Variants in RGL1 observed in about 807,000 individuals in gnomAD.
RGL1 encodes the protein ral guanine nucleotide dissociation stimulator like 1, also known as ral guanine nucleotide dissociation stimulator-like 1.
RGL1 carries 24 observed loss-of-function variants against 95.2 expected under a neutral mutation model. That is an observed-to-expected ratio of 0.25 (90% CI 0.18 to 0.35). The LOEUF is 0.35. Among genes scored for constraint, RGL1 ranks in the 10% least tolerant of loss-of-function variants. RGL1 has a pLI of 1.00. For synonymous variants in RGL1, 329 were observed against 344.9 expected, an observed-to-expected ratio of 0.95 and a Z score of 0.51; for missense variants, 715 against 936.3, an observed-to-expected ratio of 0.76 and a Z score of 3.08.
At chr1:183,911,982 C>A in intron 14 of RGL1, 100 bp from the exon 15 acceptor site, 2 of 998,402 alleles carry the variant, frequency 2.0e-6, no homozygotes, top group Non-Finnish European at 3.0e-6. Context: ...ACACACAAGA[C>A]TGAAAAAACA....
intron 1 of RGL1, among the ~76,000 whole-genome samples, chr1:183,734,801 A>T (rs989899633): frequency 6.6e-6 from 1 of 152,202 alleles, no homozygotes; most frequent in African/African-American, 2.4e-5. Flanking sequence ...AGTCCCCTGG[A>T]ATTCCCTCTA....
At chr1:183,690,900 CATGTT>C (rs1213101735) in intron 1 of RGL1, among the ~76,000 whole-genome samples, 1 of 152,114 alleles carries the variant, frequency 6.6e-6, no homozygotes, top group Non-Finnish European at 1.5e-5. Flanking sequence ...GAAAGCAAGT[CATGTT>C]AAGATCACTT....
chr1:183,773,602 C>T (rs958505050), intron 2 of RGL1, among the ~76,000 whole-genome samples: 2 of 152,162 alleles, frequency 1.3e-5, no homozygotes, highest in African/African-American at 4.8e-5. Flanking sequence ...TATAATTTTA[C>T]TGGATTTCTG....
chr1:183,812,860 G>A (rs1661817436), intron 2 of RGL1, among the ~76,000 whole-genome samples: 1 of 152,222 alleles, frequency 6.6e-6, no homozygotes, highest in South Asian at 2.1e-4. Flanking sequence ...CTGGGGAAGA[G>A]ATAAGGGAAC....
intron 2 of RGL1, among the ~76,000 whole-genome samples, chr1:183,757,210 C>T (rs1658396572): frequency 6.6e-6 from 1 of 152,154 alleles, no homozygotes; most frequent in Non-Finnish European, 1.5e-5. Flanking sequence ...CATATGACCT[C>T]TTCTCTATCC....
At chr1:183,806,246 A>G (rs1053402993) in intron 1 of RGL1, 129 bp from the exon 2 acceptor site, 2 of 638,266 alleles carry the variant, frequency 3.1e-6, no homozygotes, top group Non-Finnish European at 5.5e-6. Context: ...GCGGATTGTA[A>G]TATTTATTTT....
At chr1:183,855,393 G>A (rs6691162) in intron 3 of RGL1, among the ~76,000 whole-genome samples, 66,552 of 151,746 alleles carry the variant, frequency 0.44, 15,842 homozygotes, top group Non-Finnish European at 0.53. Context: ...TTTGAGATGC[G>A]TACAATATGT....
chr1:183,908,210 C>T (rs1668448921), intron 14 of RGL1, among the ~76,000 whole-genome samples: 1 of 151,986 alleles, frequency 6.6e-6, no homozygotes, highest in South Asian at 2.1e-4. Context: ...TTGATATTTC[C>T]CAGCACTGTC....
At chr1:183,666,791 A>G (rs1652070757) in intron 1 of RGL1, among the ~76,000 whole-genome samples, 1 of 152,084 alleles carries the variant, frequency 6.6e-6, no homozygotes, top group African/African-American at 2.4e-5. Context: ...CAATTTGGTA[A>G]GTGTTTCCTG....
At chr1:183,820,996 G>A (rs1662446844) in intron 2 of RGL1, among the ~76,000 whole-genome samples, 1 of 152,036 alleles carries the variant, frequency 6.6e-6, no homozygotes, top group Non-Finnish European at 1.5e-5. Context: ...AGCTGGGCGT[G>A]GTGGTGGGCG....
chr1:183,846,195 A>G (rs1354851219), intron 2 of RGL1, among the ~76,000 whole-genome samples: 1 of 152,222 alleles, frequency 6.6e-6, no homozygotes, highest in Non-Finnish European at 1.5e-5. Context: ...CATATACACC[A>G]TGGAATACTG....
chr1:183,655,021 C>A (rs949131336), intron 1 of RGL1, among the ~76,000 whole-genome samples: 11 of 152,222 alleles, frequency 7.2e-5, no homozygotes, highest in African/African-American at 2.7e-4. Context: ...GAAGAAATGT[C>A]TAGCTTCCCC....
chr1:183,915,005 C>A (rs980425595), intron 15 of RGL1, among the ~76,000 whole-genome samples: 1 of 152,156 alleles, frequency 6.6e-6, no homozygotes, highest in Non-Finnish European at 1.5e-5. Flanking sequence ...AAGAAAAAAA[C>A]CCAAAAACCA....
rs148282173 is a variant in RGL1 at position 183,909,114 on chromosome 1, T to C, written c.1562+2013T>C. On this transcript the variant is annotated intron_variant, in intron 14 of 17. Transcript: ENST00000360851. Reference sequence around the variant, plus strand: ...TCTTGCTGGGATAACCCTTGGTATCTGCAGTTGAGTTTGGGCATCTATTAT... The same window carrying C: ...TCTTGCTGGGATAACCCTTGGTATCCGCAGTTGAGTTTGGGCATCTATTAT... 2.6e-4 allele frequency among the ~76,000 whole-genome samples: 39 copies of C among 152,364 alleles called. 1 individual carries two copies. The East Asian group carries it at 7.5e-3, about 29-fold the overall frequency.
At chr1:183,897,370 C>A (rs1156263187) in intron 9 of RGL1, among the ~76,000 whole-genome samples, 4 of 151,976 alleles carry the variant, frequency 2.6e-5, no homozygotes, top group Admixed American at 2.6e-4. Flanking sequence ...CCCATCTCTA[C>A]TAAAAACAAA....
chr1:183,734,594 A>G (rs1194452478), intron 1 of RGL1, among the ~76,000 whole-genome samples: 2 of 152,188 alleles, frequency 1.3e-5, no homozygotes, highest in Non-Finnish European at 2.9e-5. Context: ...GCCTGTGACT[A>G]TTGAACTGGA....
chr1:183,637,691 A>G (rs1558126094), intron 1 of RGL1, among the ~76,000 whole-genome samples: 3 of 152,212 alleles, frequency 2.0e-5, no homozygotes, highest in Non-Finnish European at 2.9e-5. Flanking sequence ...CCACTCTTCT[A>G]TAAGTATATC....
At chr1:183,723,868 G>C (rs566938375) in intron 1 of RGL1, among the ~76,000 whole-genome samples, 46 of 152,250 alleles carry the variant, frequency 3.0e-4, no homozygotes, top group African/African-American at 1.1e-3. Context: ...CCAAACCCAC[G>C]CAGTGCAGCT....
chr1:183,808,374 G>A lies in RGL1; in HGVS notation c.138+1889G>A, dbSNP rs183418831. 1.4e-3 allele frequency among the ~76,000 whole-genome samples: 215 copies of A among 152,302 alleles called. No individual in the cohort carries two copies. The Middle Eastern group carries it at 0.017, about 12-fold the overall frequency. ...AAAAGATTGGCTCTAGTTGATGGAG[G>A]AATCTGTCCCCCTCGCCCCCATTTC... On this transcript the variant is annotated intron_variant, in intron 2 of 17. Coordinates refer to ENST00000360851, the MANE Select transcript of RGL1 (RefSeq NM_001297671.3).
Sources: allele counts gnomAD v4.1 joint callset (sites outside exome capture counted in the v4.1 genomes callset), GRCh38; gene constraint gnomAD v4.1.1; transcripts MANE v1.5; gene names NCBI Gene and HGNC (gene_info 2026-07-23, HGNC 2026-07-21).